Variants in PRKCI observed in about 807,000 individuals in gnomAD.
PRKCI encodes protein kinase C iota, also known as protein kinase C iota type.
A neutral mutation model predicts 84.0 loss-of-function variants in PRKCI; 43 were observed. The ratio of observed to expected loss-of-function variants is 0.51; its 90% CI spans 0.40 to 0.66. The LOEUF (loss-of-function observed/expected upper bound fraction) is 0.66, where lower values mean the gene tolerates loss of function less well. Ranked by LOEUF, PRKCI falls within the 30% of genes least tolerant of loss-of-function variation. The pLI, the probability that PRKCI is intolerant of heterozygous loss-of-function variation, is 0.00. For synonymous variants in PRKCI, 216 were observed against 234.4 expected (o/e 0.92, Z 0.72); for missense variants, 459 against 745.6 (o/e 0.62, Z 4.48).
At chr3:170,291,060 C>T (rs1357363633) in intron 12 of PRKCI, among the ~76,000 whole-genome samples, 3 of 151,800 alleles carry the variant, frequency 2.0e-5, no homozygotes, top group South Asian at 4.2e-4. Flanking sequence ...TGCTTGAATC[C>T]GGGAGGCGGA....
intron 16 of PRKCI, among the ~76,000 whole-genome samples, chr3:170,298,079 G>A (rs956773098): frequency 6.6e-6 from 1 of 151,522 alleles, no homozygotes; most frequent in Admixed American, 6.6e-5. Flanking sequence ...CATCATGTTG[G>A]CCAGGCTGGT....
chr3:170,302,447 T>A (rs1412176057), intron 17 of PRKCI, among the ~76,000 whole-genome samples: 2 of 152,214 alleles, frequency 1.3e-5, no homozygotes, highest in Non-Finnish European at 2.9e-5. Context: ...TCTGTAACTT[T>A]GTGCTTCTTA....
intron 1 of PRKCI, among the ~76,000 whole-genome samples, chr3:170,233,312 G>A (rs1732853037): frequency 6.6e-6 from 1 of 151,626 alleles, no homozygotes; most frequent in Non-Finnish European, 1.5e-5. Flanking sequence ...AAAGCAGTTT[G>A]TCTTCTGAAG....
At position 170,289,740 on chromosome 3, in the gene PRKCI, C is replaced by G. The variant is rs547866496; in HGVS notation, c.1204-2114C>G. On this transcript the variant is annotated intron_variant, in intron 12 of 17. Transcript: ENST00000295797. ...CCAACCTGACCAACATGGTGAAACCCCGTCACTACTAAAAATAAAAAATTA... is the reference window on the plus strand; with the variant it reads ...CCAACCTGACCAACATGGTGAAACCGCGTCACTACTAAAAATAAAAAATTA... Among the ~76,000 whole-genome samples the G allele has an allele frequency of 6.6e-5, 10 of 152,194 alleles. 1 individual carries two copies. In the South Asian group the frequency reaches 8.3e-4, roughly 13 times the overall value.
At chr3:170,259,406 C>T (rs1351512133) in intron 2 of PRKCI, among the ~76,000 whole-genome samples, 2 of 152,072 alleles carry the variant, frequency 1.3e-5, no homozygotes, top group African/African-American at 2.4e-5. Context: ...AATTTTATAT[C>T]TATATACATT....
At chr3:170,247,773 C>T (rs114100830) in intron 2 of PRKCI, among the ~76,000 whole-genome samples, 2,975 of 142,800 alleles carry the variant, frequency 0.021, 49 homozygotes, top group East Asian at 0.087. Context: ...TGAGGATGAG[C>T]GGCTTCATGG....
intron 11 of PRKCI, 109 bp from the exon 12 acceptor site, chr3:170,284,352 A>C: frequency 1.0e-6 from 1 of 984,908 alleles, no homozygotes; most frequent in Non-Finnish European, 1.4e-6. Flanking sequence ...TGTTCCTAAA[A>C]TCACTGGGAG....
At chr3:170,287,334 T>G (rs564801179) in intron 12 of PRKCI, among the ~76,000 whole-genome samples, 3,671 of 149,814 alleles carry the variant, frequency 0.025, 139 homozygotes, top group African/African-American at 0.085. Context: ...AATATATATA[T>G]ATATAGAGAG....
chr3:170,268,779 G>A (rs6801944), intron 5 of PRKCI, among the ~76,000 whole-genome samples: 12,333 of 152,164 alleles, frequency 0.081, 1,201 homozygotes, highest in African/African-American at 0.23. Flanking sequence ...GGTACTATAT[G>A]TTTCCACTTT....
chr3:170,263,525 T>G (rs1289659727), intron 4 of PRKCI, 96 bp downstream of exon 4: 1 of 1,056,206 alleles, frequency 9.5e-7, no homozygotes, highest in Admixed American at 2.0e-5. Context: ...CTAGGTGCAG[T>G]GGACAGTGGC....
At chr3:170,231,648 A>G (rs1732797096) in intron 1 of PRKCI, among the ~76,000 whole-genome samples, 1 of 151,738 alleles carries the variant, frequency 6.6e-6, no homozygotes, top group Non-Finnish European at 1.5e-5. Context: ...TAGTTTTAGT[A>G]GAGATGGGGA....
Position 170,245,958 on chromosome 3 carries a change from T to TTTGTTTGTTTGTTTTTTTTC in PRKCI, c.223+10609_223+10610insGTTTGTTTGTTTTTTTTCTT, listed in dbSNP as rs1733271695. Among the ~76,000 whole-genome samples the TTTGTTTGTTTGTTTTTTTTC allele has an allele frequency of 8.1e-5, 9 of 111,716 alleles. No homozygotes were observed. The South Asian group carries it at 2.2e-3, about 28-fold the overall frequency. 73.3% of individuals were successfully genotyped at this position (111,716 alleles called of 152,430 possible). A position where few individuals can be genotyped will look rare whatever the true frequency, so the allele number is the denominator to read the frequency against. On this transcript the variant is annotated intron_variant, in intron 2 of 17. Transcript: ENST00000295797. ...TGGATGTTATGTCTTTGTTTTTTTT[T>TTTGTTTGTTTGTTTTTTTTC]TTTTTTTTTTTTCTGACACAAATCC...
At chr3:170,235,573 T>C (rs539474724) in intron 2 of PRKCI, among the ~76,000 whole-genome samples, 1 of 151,794 alleles carries the variant, frequency 6.6e-6, no homozygotes, top group East Asian at 1.9e-4. Context: ...TGACTTTTTT[T>C]TTTTTTTTTT....
Position 170,235,327 on chromosome 3 carries a change from A to G in PRKCI, c.199A>G (p.Thr67Ala), listed in dbSNP as rs768794063. 6.2e-7 allele frequency: 1 copy of G among 1,614,072 alleles called. No homozygotes were observed. Among genetic ancestry groups the G allele is most frequent in the East Asian group, 2.2e-5 (1 of 44,870 alleles). ...MCSFDNEQLF[T>A]MKWIDEEGDP... ...TTCTTTTGACAACGAACAGCTCTTCACCATGAAATGGATAGATGAGGAAGG... is the reference window on the plus strand; with the variant it reads ...TTCTTTTGACAACGAACAGCTCTTCGCCATGAAATGGATAGATGAGGAAGG... The change falls in exon 2 of 18, where the codon ACC becomes GCC. Residue 67 changes from threonine to alanine, a missense_variant. Coordinates refer to ENST00000295797, the MANE Select transcript of PRKCI (RefSeq NM_002740.6).
chr3:170,274,537 A>G (rs1211181071), intron 7 of PRKCI, among the ~76,000 whole-genome samples: 1 of 152,188 alleles, frequency 6.6e-6, no homozygotes, highest in Non-Finnish European at 1.5e-5. Context: ...TGTAACTGAA[A>G]ACGTTAGATA....
At chr3:170,289,036 T>C (rs1357283633) in intron 12 of PRKCI, among the ~76,000 whole-genome samples, 1 of 152,210 alleles carries the variant, frequency 6.6e-6, no homozygotes, top group Non-Finnish European at 1.5e-5. Context: ...TTAAGTGTTT[T>C]TTTCATCAAC....
intron 2 of PRKCI, among the ~76,000 whole-genome samples, chr3:170,246,958 G>GT (rs201274058): frequency 1.3e-3 from 198 of 150,690 alleles, no homozygotes; most frequent in African/African-American, 4.5e-3. Flanking sequence ...GGAAGTTTTT[G>GT]TTTTTTTTTC....
At chr3:170,233,218 C>A (rs1476692203) in intron 1 of PRKCI, among the ~76,000 whole-genome samples, 1 of 147,246 alleles carries the variant, frequency 6.8e-6, no homozygotes, top group Non-Finnish European at 1.5e-5. Context: ...GAATGTGATT[C>A]TTTTGGGGGT....
intron 11 of PRKCI, among the ~76,000 whole-genome samples, chr3:170,283,155 A>G (rs1232210604): frequency 6.6e-6 from 1 of 151,928 alleles, no homozygotes; most frequent in Non-Finnish European, 1.5e-5. Flanking sequence ...TTAATTTGAT[A>G]TTAATATACA....
Sources: allele counts gnomAD v4.1 joint callset (sites outside exome capture counted in the v4.1 genomes callset), GRCh38; gene constraint gnomAD v4.1.1; transcripts MANE v1.5; gene names NCBI Gene and HGNC (gene_info 2026-07-23, HGNC 2026-07-21).